Variants in TMEM108 observed in about 807,000 individuals in gnomAD.
TMEM108 encodes transmembrane protein 108.
Under a neutral mutation model 35.1 loss-of-function variants are expected in TMEM108, and 12 were observed. The ratio of observed to expected loss-of-function variants is 0.34; its 90% CI spans 0.22 to 0.55. The LOEUF (loss-of-function observed/expected upper bound fraction) is 0.55, where lower values mean the gene tolerates loss of function less well. Among genes scored for constraint, TMEM108 ranks in the 20% least tolerant of loss-of-function variants. The pLI is 0.89. For synonymous variants in TMEM108, 287 were observed against 308.6 expected (o/e 0.93, Z 0.73); for missense variants, 680 against 753.3 (o/e 0.90, Z 1.14).
chr3:133,272,527 G>A (rs987029564), intron 3 of TMEM108, among the ~76,000 whole-genome samples: 7 of 152,172 alleles, frequency 4.6e-5, no homozygotes, highest in African/African-American at 7.2e-5. Context: ...AGCTAACCAC[G>A]GGCAGAGCCA....
At chr3:133,206,951 C>G (rs868021273) in intron 2 of TMEM108, among the ~76,000 whole-genome samples, 7 of 152,320 alleles carry the variant, frequency 4.6e-5, no homozygotes, top group African/African-American at 1.4e-4. Flanking sequence ...GGAATTTTAT[C>G]TATAAGTTCC....
At chr3:133,177,655 A>G (rs1945257216) in intron 2 of TMEM108, among the ~76,000 whole-genome samples, 1 of 152,226 alleles carries the variant, frequency 6.6e-6, no homozygotes, top group African/African-American at 2.4e-5. Flanking sequence ...TATTGATGGG[A>G]CGTATCTCAA....
intron 2 of TMEM108, among the ~76,000 whole-genome samples, chr3:133,185,758 G>C (rs1458836349): frequency 7.6e-6 from 1 of 131,878 alleles, no homozygotes; most frequent in Non-Finnish European, 1.6e-5. Context: ...TGGGGACCTT[G>C]CGTTTCTTTT....
chr3:133,062,315 G>T lies in TMEM108; in HGVS notation c.-47+16295G>T, dbSNP rs183315513. ...ATAATTTTATTAATTTTCTATTAAC[G>T]TCTCATCTTTATTGTAATTTTCTTT... On this transcript the variant is annotated intron_variant, in intron 2 of 5. Coordinates refer to ENST00000321871, the MANE Select transcript of TMEM108 (RefSeq NM_023943.4). 1.1e-3 allele frequency among the ~76,000 whole-genome samples: 169 copies of T among 152,234 alleles called. 1 individual carries two copies. Among genetic ancestry groups the T allele is most frequent in the Non-Finnish European group, 4.7e-4 (32 of 68,020 alleles).
chr3:133,119,049 C>G (rs1417135297), intron 2 of TMEM108: 5 of 152,050 alleles, frequency 3.3e-5, no homozygotes, highest in African/African-American at 1.2e-4. Flanking sequence ...CTCCGAAGTA[C>G]TTTGGAAACG....
intron 2 of TMEM108, among the ~76,000 whole-genome samples, chr3:133,221,559 A>G (rs1559872872): frequency 6.6e-6 from 1 of 151,050 alleles, no homozygotes; most frequent in Non-Finnish European, 1.5e-5. Context: ...TAATTGTTTC[A>G]TGGTTGTTTT....
At position 133,392,978 on chromosome 3, in the gene TMEM108, T is replaced by TAC. The variant is rs2073256113; in HGVS notation, c.1605+2646_1605+2647dup. On this transcript the variant is annotated intron_variant, in intron 5 of 5. Transcript: ENST00000321871. ...CTTCCACTTTCAAGTGGCTCTTCTC[T>TAC]ACATTTTGAATAAAATCCAGACTCC... Among the ~76,000 whole-genome samples, 3 of 152,338 alleles carry TAC rather than the reference T, an allele frequency of 2.0e-5. No homozygotes were observed. In the South Asian group the frequency reaches 6.2e-4, roughly 32 times the overall value.
intron 3 of TMEM108, among the ~76,000 whole-genome samples, chr3:133,305,128 A>G (rs1362972537): frequency 6.6e-6 from 1 of 151,834 alleles, no homozygotes; most frequent in Non-Finnish European, 1.5e-5. Context: ...CCTATGAGCC[A>G]CATTTTCTTA....
At chr3:133,086,986 A>G (rs1335717045) in intron 2 of TMEM108, among the ~76,000 whole-genome samples, 2 of 152,206 alleles carry the variant, frequency 1.3e-5, no homozygotes, top group Non-Finnish European at 2.9e-5. Context: ...CAGAAACCTT[A>G]AACTCCCACT....
chr3:133,377,034 C>A (rs1317150970), intron 3 of TMEM108, among the ~76,000 whole-genome samples: 2 of 152,180 alleles, frequency 1.3e-5, no homozygotes, highest in African/African-American at 4.8e-5. Flanking sequence ...ACATGATCAT[C>A]CCTCTGTGCA....
At chr3:133,257,325 T>C (rs1394997743) in intron 3 of TMEM108, 2 of 152,238 alleles carry the variant, frequency 1.3e-5, no homozygotes, top group Non-Finnish European at 2.9e-5. Flanking sequence ...ATCAAAGTAA[T>C]TTGTCTATGT....
intron 2 of TMEM108, among the ~76,000 whole-genome samples, chr3:133,181,643 G>T (rs1945347087): frequency 6.6e-6 from 1 of 152,078 alleles, no homozygotes; most frequent in Non-Finnish European, 1.5e-5. Flanking sequence ...AACATATGGG[G>T]GGTTGTCAAG....
Position 133,133,695 on chromosome 3 carries a change from C to CT in TMEM108, c.-47+87689dup, listed in dbSNP as rs543867505. 9.6e-3 allele frequency among the ~76,000 whole-genome samples: 1,303 copies of CT among 135,498 alleles called. 14 individuals carry two copies. The highest frequency in any genetic ancestry group is 0.029 in the African/African-American group (1,060 of 37,084). The allele number at this position is 135,498 out of a possible 152,430, so 88.9% of individuals were successfully genotyped here. A position where few individuals can be genotyped will look rare whatever the true frequency, so the allele number is the denominator to read the frequency against. On this transcript the variant is annotated intron_variant, in intron 2 of 5. Transcript: ENST00000321871. ...CTTTTTTTTTCCTTTTTTTTTCTTT[C>CT]TTTTTTTTTTTTTTAGACGGAGTCT...
Position 133,214,802 on chromosome 3 carries a change from G to A in TMEM108, c.-46-14464G>A, listed in dbSNP as rs1407507419. ...AGTTCCACCTCCTGTCAGATCAGTG[G>A]TGGCATTACATTCTCATAGGAGCAG... On this transcript the variant is annotated intron_variant, in intron 2 of 5. Transcript: ENST00000321871. Among the ~76,000 whole-genome samples the A allele has an allele frequency of 3.3e-5, 5 of 152,100 alleles. No homozygotes were observed. The East Asian group carries it at 9.6e-4, about 29-fold the overall frequency.
At chr3:133,059,374 T>G (rs1304438175) in intron 2 of TMEM108, among the ~76,000 whole-genome samples, 1 of 152,210 alleles carries the variant, frequency 6.6e-6, no homozygotes, top group Admixed American at 6.5e-5. Context: ...GAGTGACTTT[T>G]TTTTGGAAGG....
At chr3:133,257,183 C>T (rs1015549250) in intron 3 of TMEM108, 2 of 152,152 alleles carry the variant, frequency 1.3e-5, no homozygotes, top group African/African-American at 2.4e-5. Flanking sequence ...TATATAACAG[C>T]ACCTCTTTTA....
At position 133,365,248 on chromosome 3, in the gene TMEM108, A is replaced by G. The variant is rs16840264; in HGVS notation, c.41-14504A>G. ...ACTACATCAACCCGATGCAAAATCTAAAAGAACCAAAAAGAGGACATCATG... is the reference window on the plus strand; with the variant it reads ...ACTACATCAACCCGATGCAAAATCTGAAAGAACCAAAAAGAGGACATCATG... On this transcript the variant is annotated intron_variant, in intron 3 of 5. Transcript: ENST00000321871. 6.7e-3 allele frequency among the ~76,000 whole-genome samples: 1,025 copies of G among 152,298 alleles called. 14 individuals carry two copies. Among genetic ancestry groups the G allele is most frequent in the African/African-American group, 0.024 (977 of 41,562 alleles).
chr3:133,198,778 G>A (rs112888852), intron 2 of TMEM108, among the ~76,000 whole-genome samples: 6,717 of 152,118 alleles, frequency 0.044, 488 homozygotes, highest in African/African-American at 0.15. Context: ...TGCTCTTCTC[G>A]AGGTGTGTCT....
At chr3:133,225,066 T>C (rs1326662027) in intron 2 of TMEM108, among the ~76,000 whole-genome samples, 4 of 146,974 alleles carry the variant, frequency 2.7e-5, no homozygotes, top group African/African-American at 5.1e-5. Context: ...TTTTTTTGAG[T>C]TGGAGTCCTG....
Sources: allele counts gnomAD v4.1 joint callset (sites outside exome capture counted in the v4.1 genomes callset), GRCh38; gene constraint gnomAD v4.1.1; transcripts MANE v1.5; gene names NCBI Gene and HGNC (gene_info 2026-07-23, HGNC 2026-07-21).